Variants in NPEPPS observed in about 807,000 individuals in gnomAD.
NPEPPS encodes aminopeptidase puromycin sensitive.
A neutral mutation model predicts 115.5 loss-of-function variants in NPEPPS; 14 were observed. That is an observed-to-expected ratio of 0.12 (90% CI 0.08 to 0.19). NPEPPS has a LOEUF of 0.19. Among genes scored for constraint, NPEPPS ranks in the 10% least tolerant of loss-of-function variants. The pLI is 1.00. For synonymous variants in NPEPPS, 285 were observed against 390.6 expected (o/e 0.73, Z 3.19); for missense variants, 523 against 1,110.8 (o/e 0.47, Z 7.52).
chr17:47,595,670 C>T (rs1912818015), intron 12 of NPEPPS, among the ~76,000 whole-genome samples: 1 of 151,760 alleles, frequency 6.6e-6, no homozygotes, highest in African/African-American at 2.4e-5. Context: ...TGGTGAAATC[C>T]CATCTCTACA....
Position 47,582,744 on chromosome 17 carries a change from T to A in NPEPPS, c.543T>A (p.Ala181=), listed in dbSNP as rs749661554. The A allele has an allele frequency of 8.1e-6, 6 of 743,382 alleles. No individual in the cohort carries two copies. Among genetic ancestry groups the A allele is most frequent in the Non-Finnish European group, 1.4e-5 (6 of 415,036 alleles). The allele number at this position is 743,382 out of a possible 1,614,324, so 46.0% of individuals were successfully genotyped here. A position where few individuals can be genotyped will look rare whatever the true frequency, so the allele number is the denominator to read the frequency against. ...VRYAAVTQFE[A]TDARRAFPCW... Reference sequence around the variant, plus strand: ...ATATTTCATATTCTTTTCTTAAGGCTACTGATGCCCGAAGGGCTTTTCCTT... The same window carrying A: ...ATATTTCATATTCTTTTCTTAAGGCAACTGATGCCCGAAGGGCTTTTCCTT... Residue 181 remains alanine (A), a splice_region_variant and synonymous_variant, in exon 5 of 23, where the codon GCT becomes GCA. Coordinates refer to ENST00000322157, the MANE Select transcript of NPEPPS (RefSeq NM_006310.4).
chr17:47,617,623 T>A (rs547315287), intron 19 of NPEPPS, among the ~76,000 whole-genome samples: 58 of 149,906 alleles, frequency 3.9e-4, no homozygotes, highest in South Asian at 3.6e-3. Flanking sequence ...AGTACAGTAT[T>A]CATTTTCAAT....
chr17:47,545,624 T>C (rs552587348), intron 1 of NPEPPS, among the ~76,000 whole-genome samples: 3 of 152,100 alleles, frequency 2.0e-5, no homozygotes, highest in Admixed American at 6.6e-5. Flanking sequence ...TCACAGCTTA[T>C]TGCAGCCTCA....
At chr17:47,614,095 C>T (rs1243012365) in intron 19 of NPEPPS, among the ~76,000 whole-genome samples, 1 of 152,008 alleles carries the variant, frequency 6.6e-6, no homozygotes, top group Non-Finnish European at 1.5e-5. Context: ...GTCAGCCTTC[C>T]AAGTAGCTGG....
upstream of NPEPPS, among the ~76,000 whole-genome samples, chr17:47,530,627 G>A (rs1189301927): frequency 6.6e-6 from 1 of 152,114 alleles, no homozygotes; most frequent in Non-Finnish European, 1.5e-5. Flanking sequence ...GAAGTGCTGG[G>A]ATTACAGGCG....
chr17:47,542,075 G>A lies in NPEPPS; in HGVS notation c.256-3834G>A, dbSNP rs9901319. 5.6e-3 allele frequency among the ~76,000 whole-genome samples: 856 copies of A among 152,152 alleles called. 7 individuals are homozygous for A. Among genetic ancestry groups the A allele is most frequent in the African/African-American group, 0.02 (831 of 41,484 alleles). ...TATACAGGTCTTTCATGCAGATATC[G>A]TACTACTCTGATGTTCTTACCTAGT... is the stretch of plus-strand genomic sequence containing the variant. On this transcript the variant is annotated intron_variant, in intron 1 of 22. Transcript: ENST00000322157.
chr17:47,616,212 A>G (rs1326123844), intron 19 of NPEPPS, among the ~76,000 whole-genome samples: 1 of 152,098 alleles, frequency 6.6e-6, no homozygotes, highest in Non-Finnish European at 1.5e-5. Flanking sequence ...CAAAACTGGG[A>G]CTAGAACCCA....
chr17:47,557,633 T>A (rs1398136085), intron 2 of NPEPPS: 1 of 149,414 alleles, frequency 6.7e-6, no homozygotes, highest in African/African-American at 2.4e-5. Flanking sequence ...GTACTGCTTT[T>A]AGCTGCAGCC....
chr17:47,586,642 G>C, intron 8 of NPEPPS: 1 of 580,170 alleles, frequency 1.7e-6, no homozygotes, highest in Non-Finnish European at 3.2e-6. Flanking sequence ...TATATTCTTG[G>C]CTAAGTTTCT....
chr17:47,571,586 C>G (rs1014488441), intron 3 of NPEPPS, among the ~76,000 whole-genome samples: 9 of 152,044 alleles, frequency 5.9e-5, no homozygotes, highest in African/African-American at 1.9e-4. Context: ...GGAATGGTGG[C>G]AGGTGCCTGT....
In NPEPPS at chr17:47,622,707, A is replaced by ATACATTATTTTTTTC. The variant is rs1426306846; in HGVS notation, c.*789_*803dup. On this transcript the variant is annotated 3_prime_UTR_variant, in exon 23 of 23. Coordinates refer to ENST00000322157, the MANE Select transcript of NPEPPS (RefSeq NM_006310.4). The stretch of plus-strand genomic sequence containing the variant: ...GCCACATTAAATAAGAGAAACTGAT[A>ATACATTATTTTTTTC]TACATTATTTTTTTCTTTTTAAAGA... The ATACATTATTTTTTTC allele has an allele frequency of 2.6e-6, 1 of 387,952 alleles. No homozygotes were observed. The highest frequency in any genetic ancestry group is 2.1e-5 in the African/African-American group (1 of 46,652). 24.0% of individuals were successfully genotyped at this position (387,952 alleles called of 1,614,324 possible). A position where few individuals can be genotyped will look rare whatever the true frequency, so the allele number is the denominator to read the frequency against.
chr17:47,527,684 C>A (rs1420994961), upstream of NPEPPS, among the ~76,000 whole-genome samples: 2 of 145,798 alleles, frequency 1.4e-5, no homozygotes, highest in South Asian at 2.2e-4. Context: ...ATGGTGAAAC[C>A]CAGTCTCTAC....
chr17:47,603,964 T>C lies in NPEPPS; in HGVS notation c.1790T>C (p.Met597Thr), dbSNP rs1429942696. ...TATCGGACCCAGTACAGCTCTGCCA[T>C]GCTGGAAAGTTTATTACCAGGCATT... ...GFYRTQYSSAMLESLLPGIRD... is the reference protein window; with the variant it reads ...GFYRTQYSSATLESLLPGIRD... The change falls in exon 16 of 23, where the codon ATG becomes ACG. Residue 597 changes from methionine (M) to threonine (T), a missense_variant. Coordinates refer to ENST00000322157, the MANE Select transcript of NPEPPS (RefSeq NM_006310.4). 1 of 1,613,720 alleles carries C rather than the reference T, an allele frequency of 6.2e-7. No individual in the cohort carries two copies. The highest frequency in any genetic ancestry group is 1.1e-5 in the South Asian group (1 of 91,032).
At chr17:47,570,395 C>T (rs1393828814) in intron 3 of NPEPPS, among the ~76,000 whole-genome samples, 1 of 152,184 alleles carries the variant, frequency 6.6e-6, no homozygotes, top group Non-Finnish European at 1.5e-5. Context: ...GCACTCCAGC[C>T]TGGGTGATAG....
At chr17:47,608,029 A>G (rs908493736) in intron 17 of NPEPPS, among the ~76,000 whole-genome samples, 3 of 151,412 alleles carry the variant, frequency 2.0e-5, no homozygotes, top group African/African-American at 7.3e-5. Context: ...TTTGGAAAAG[A>G]TGAGACTTCA....
intron 1 of NPEPPS, among the ~76,000 whole-genome samples, chr17:47,544,160 C>T (rs1909007850): frequency 6.6e-6 from 1 of 152,114 alleles, no homozygotes; most frequent in African/African-American, 2.4e-5. Flanking sequence ...TCCCAAAGTG[C>T]TGGGATTACA....
chr17:47,542,851 A>T (rs1452375997), intron 1 of NPEPPS, among the ~76,000 whole-genome samples: 1 of 152,174 alleles, frequency 6.6e-6, no homozygotes, highest in East Asian at 1.9e-4. Flanking sequence ...TGAAAAATGC[A>T]CAAGAGGCCA....
chr17:47,622,736 C>CA lies in NPEPPS; in HGVS notation c.*816_*817insA, dbSNP rs1914662645. 2.5e-6 allele frequency: 1 copy of CA among 395,902 alleles called. No individual in the cohort carries two copies. Among genetic ancestry groups the CA allele is most frequent in the Non-Finnish European group, 4.8e-6 (1 of 209,166 alleles). The allele number at this position is 395,902 out of a possible 1,614,324, so 24.5% of individuals were successfully genotyped here. On this transcript the variant is annotated 3_prime_UTR_variant, in exon 23 of 23. Coordinates refer to ENST00000322157, the MANE Select transcript of NPEPPS (RefSeq NM_006310.4). ...ATTATTTTTTTCTTTTTAAAGATGA[C>CA]TTATAAGAACCCTGAAATTTATATA... is the stretch of plus-strand genomic sequence containing the variant.
intron 22 of NPEPPS, chr17:47,620,004 G>T: frequency 2.3e-6 from 1 of 429,062 alleles, no homozygotes; most frequent in Non-Finnish European, 4.3e-6. Context: ...AGGCCGAGGT[G>T]GGTGGATCAC....
Sources: gnomAD v4.1 joint callset for allele counts (sites outside exome capture counted in the v4.1 genomes callset) on GRCh38, gnomAD v4.1.1 for gene constraint, MANE v1.5 for transcripts, NCBI Gene and HGNC (gene_info 2026-07-23, HGNC 2026-07-21) for gene names.